The following FSCN3 variants were observed in gnomAD, a reference collection of about 807,000 sequenced individuals.
The protein encoded by FSCN3 is fascin-3.
Under a neutral mutation model 53.5 loss-of-function variants are expected in FSCN3, and 43 were observed. The observed-to-expected ratio is 0.80, with a 90% CI of 0.63 to 1.04. The LOEUF is 1.04. FSCN3 is among the 50% of genes least tolerant of loss of function. The pLI is 0.00. For missense variants in FSCN3, 594 were observed against 646.5 expected (o/e 0.92, Z 0.88); for synonymous variants, 235 against 246.6 (o/e 0.95, Z 0.44).
chr7:127,601,221 T>G (rs1264559935), intron 6 of FSCN3, among the ~76,000 whole-genome samples: 2 of 152,218 alleles, frequency 1.3e-5, no homozygotes, highest in Non-Finnish European at 2.9e-5. Context: ...CCGAAAGCAT[T>G]TCCTGCTGCC....
At position 127,600,197 on chromosome 7, in the gene FSCN3, A is replaced by G; in HGVS notation, c.1295A>G (p.Gln432Arg). 1 of 1,584,866 alleles carries G rather than the reference A, an allele frequency of 6.3e-7. No individual in the cohort carries two copies. The highest frequency in any genetic ancestry group is 1.7e-5 in the Admixed American group (1 of 59,990). The change falls in exon 6 of 7, where the codon CAG becomes CGG. Residue 432 changes from glutamine (Q) to arginine (R), a missense_variant. Gln to Arg is a conservative substitution (Grantham distance 43). Transcript: ENST00000265825. Reference protein sequence around the residue: ...CRPGIYHFQAQGGSFWSITSF... With the variant: ...CRPGIYHFQARGGSFWSITSF... ...ACCTGAGCTCTTCCTTCTCCAGCAC[A>G]GGGGGGATCCTTCTGGTCAATAACA...
chr7:127,596,477 C>T (rs1240254061), intron 3 of FSCN3, 31 bp downstream of exon 3: 10 of 1,055,018 alleles, frequency 9.5e-6, no homozygotes, highest in Non-Finnish European at 1.5e-5. Flanking sequence ...GCAAGAGAAA[C>T]CTTAAGCTCT....
In FSCN3 at chr7:127,596,331, G is replaced by C. The variant is rs764178777; in HGVS notation, c.845G>C (p.Gly282Ala). 1.2e-5 allele frequency: 19 copies of C among 1,604,612 alleles called. No individual in the cohort carries two copies. The highest frequency in any genetic ancestry group is 1.7e-5 in the Admixed American group (1 of 59,968). ...CTGACATGCGCTTCCTCTGCAGATGGTGAGGTGCGTGCTGCTTCTGAGCGC... is the reference window on the plus strand; with the variant it reads ...CTGACATGCGCTTCCTCTGCAGATGCTGAGGTGCGTGCTGCTTCTGAGCGC... ...TGRFISVIYD[G>A]EVRAASERLN... is the part of the protein sequence containing the mutation. Residue 282 changes from glycine (G) to alanine (A), a missense_variant, in exon 3 of 7, where the codon GGT (glycine) becomes GCT (alanine). Transcript: ENST00000265825.
rs756691351 is a variant in FSCN3 at position 127,595,741 on chromosome 7, C to T, written c.579C>T (p.Thr193=). The part of the protein sequence containing the change: ...HFRDGCYHLE[T]STHHFLSHVD... ...GAGATGGATGCTACCACCTGGAGAC[C>T]TCTACACACCACTTCTTGTCCCATG... The change falls in exon 2 of 7, where the codon ACC becomes ACT. Residue 193 remains threonine (T), a synonymous_variant. Transcript: ENST00000265825. 3 of 1,613,150 alleles carry T rather than the reference C, an allele frequency of 1.9e-6. No individual in the cohort carries two copies. Among genetic ancestry groups the T allele is most frequent in the East Asian group, 2.2e-5 (1 of 44,822 alleles).
Position 127,595,696 on chromosome 7 carries a change from T to C in FSCN3, c.534T>C (p.Cys178=), listed in dbSNP as rs767707289. ...CAGCAGTTCCCTGCCTGGAGGAGTG[T>C]GGCTTCCTGTTGCATTTCCGAGATG... ...VDAAVPCLEE[C]GFLLHFRDGC... is the part of the protein sequence containing the mutation. The change falls in exon 2 of 7, where the codon TGT becomes TGC. Residue 178 remains cysteine (C), a synonymous_variant. Transcript: ENST00000265825. 1.1e-5 allele frequency: 18 copies of C among 1,613,984 alleles called. No individual in the cohort carries two copies. The Admixed American group carries it at 3.0e-4, about 27-fold the overall frequency.
At chr7:127,601,244 C>G (rs1794470324) in intron 6 of FSCN3, among the ~76,000 whole-genome samples, 1 of 152,334 alleles carries the variant, frequency 6.6e-6, no homozygotes, top group Non-Finnish European at 1.5e-5. Context: ...ATCTGTCCAT[C>G]CAATCTCATC....
chr7:127,599,784 A>C (rs2117433778), intron 5 of FSCN3, among the ~76,000 whole-genome samples: 1 of 152,112 alleles, frequency 6.6e-6, no homozygotes, highest in Non-Finnish European at 1.5e-5. Flanking sequence ...TCTCTACTAA[A>C]AATACAAAAA....
rs769383605 is a variant in FSCN3, at chr7:127,596,400, G to T, written c.914G>T (p.Ser305Ile). The change falls in exon 3 of 7, where the codon AGC becomes ATC. Residue 305 changes from serine (S) to isoleucine (I), a missense_variant. Ser to Ile is a moderately radical substitution (Grantham distance 142, BLOSUM62 -2). Transcript: ENST00000265825. Reference sequence around the variant, plus strand: ...TTCCAGTTTGAATGTGACAGTGAGAGCCCCACTGTGCAGCTTCGTTCAGCC... The same window carrying T: ...TTCCAGTTTGAATGTGACAGTGAGATCCCCACTGTGCAGCTTCGTTCAGCC... ...SLFQFECDSESPTVQLRSANG... is the reference protein window; with the variant it reads ...SLFQFECDSEIPTVQLRSANG... 1.2e-6 allele frequency: 2 copies of T among 1,608,140 alleles called. No individual in the cohort carries two copies. Among genetic ancestry groups the T allele is most frequent in the Non-Finnish European group, 1.7e-6 (2 of 1,174,570 alleles).
chr7:127,595,176 C>G, intron 1 of FSCN3, 131 bp from the exon 2 acceptor site: 1 of 702,698 alleles, frequency 1.4e-6, no homozygotes, highest in Non-Finnish European at 2.4e-6. Flanking sequence ...GATACCAGGG[C>G]TGATGTGGAA....
chr7:127,596,393 A>G lies in FSCN3; in HGVS notation c.907A>G (p.Ser303Gly), dbSNP rs745542759. The change falls in exon 3 of 7, where the codon AGT becomes GGT. Residue 303 changes from serine to glycine, a missense_variant. By Grantham distance (56) the Ser-to-Gly change is moderately conservative. Coordinates refer to ENST00000265825, the MANE Select transcript of FSCN3 (RefSeq NM_020369.3). Reference sequence around the variant, plus strand: ...GTCCTTGTTCCAGTTTGAATGTGACAGTGAGAGCCCCACTGTGCAGCTTCG... The same window carrying G: ...GTCCTTGTTCCAGTTTGAATGTGACGGTGAGAGCCCCACTGTGCAGCTTCG... ...RMSLFQFECD[S>G]ESPTVQLRSA... The G allele has an allele frequency of 4.3e-6, 7 of 1,612,112 alleles. No individual in the cohort carries two copies. In the East Asian group the frequency reaches 1.6e-4, roughly 36 times the overall value.
At chr7:127,594,569 G>A (rs1231775430) in intron 1 of FSCN3, 2 of 471,116 alleles carry the variant, frequency 4.2e-6, no homozygotes, top group Admixed American at 2.3e-5. Context: ...GAAGTGGAGA[G>A]CCCAGGTGGG....
At chr7:127,598,703 T>G in intron 4 of FSCN3, 109 bp downstream of exon 4, 2 of 934,258 alleles carry the variant, frequency 2.1e-6, no homozygotes, top group Non-Finnish European at 3.3e-6. Flanking sequence ...TGGTGGCTCA[T>G]GCCTGTAATC....
chr7:127,601,089 C>G (rs1794467865), intron 6 of FSCN3, among the ~76,000 whole-genome samples: 1 of 152,202 alleles, frequency 6.6e-6, no homozygotes, highest in Non-Finnish European at 1.5e-5. Context: ...CTTCCTTCAT[C>G]AAACCCTGCA....
intron 1 of FSCN3, 60 bp downstream of exon 1, chr7:127,594,057 TG>T: frequency 6.3e-7 from 1 of 1,576,274 alleles, no homozygotes; most frequent in Admixed American, 1.8e-5. Context: ...TGTGTGTGTG[TG>T]TGCGCGCGCG....
Position 127,595,675 on chromosome 7 carries a change from A to T in FSCN3, c.513A>T (p.Ala171=), listed in dbSNP as rs1794376056. 1 of 1,614,124 alleles carries T rather than the reference A, an allele frequency of 6.2e-7. No homozygotes were observed. The highest frequency in any genetic ancestry group is 8.5e-7 in the Non-Finnish European group (1 of 1,179,946). Residue 171 remains alanine (A), a synonymous_variant, in exon 2 of 7, where the codon GCA becomes GCT. Coordinates refer to ENST00000265825, the MANE Select transcript of FSCN3 (RefSeq NM_020369.3). ...PTMGRIWVDA[A]VPCLEECGFL... ...TGGGCCGCATCTGGGTGGACGCAGC[A>T]GTTCCCTGCCTGGAGGAGTGTGGCT...
intron 5 of FSCN3, among the ~76,000 whole-genome samples, chr7:127,599,980 G>A (rs1446725676): frequency 2.0e-5 from 3 of 151,508 alleles, no homozygotes; most frequent in Admixed American, 6.6e-5. Context: ...GACCTCTGTT[G>A]TTTTCACACT....
chr7:127,598,402 A>T (rs1269972979), intron 3 of FSCN3, 33 bp from the exon 4 acceptor site: 1 of 1,599,188 alleles, frequency 6.3e-7, no homozygotes, highest in Non-Finnish European at 8.6e-7. Flanking sequence ...GTCAGTCCTT[A>T]CTCCTCATCT....
In FSCN3 at chr7:127,595,694, T is replaced by C. The variant is rs984344550; in HGVS notation, c.532T>C (p.Cys178Arg). The change falls in exon 2 of 7, where the codon TGT becomes CGT. Residue 178 changes from cysteine to arginine, a missense_variant. Physicochemically the swap from Cys to Arg is radical, Grantham distance 180. Transcript: ENST00000265825. ...VDAAVPCLEE[C>R]GFLLHFRDGC... ...CGCAGCAGTTCCCTGCCTGGAGGAG[T>C]GTGGCTTCCTGTTGCATTTCCGAGA... The C allele has an allele frequency of 2.9e-5, 46 of 1,613,612 alleles. No individual in the cohort carries two copies. Among genetic ancestry groups the C allele is most frequent in the Non-Finnish European group, 3.9e-5 (46 of 1,179,858 alleles).
Position 127,593,918 on chromosome 7 carries a change from G to A in FSCN3, c.65G>A (p.Ser22Asn), listed in dbSNP as rs139613787. 93 of 1,604,818 alleles carry A rather than the reference G, an allele frequency of 5.8e-5. No homozygotes were observed. Among genetic ancestry groups the A allele is most frequent in the Non-Finnish European group, 7.7e-5 (91 of 1,175,674 alleles). Residue 22 changes from serine (S) to asparagine (N), a missense_variant, in exon 1 of 7, where the codon AGC (serine) becomes AAC (asparagine). Transcript: ENST00000265825. ...KAEDLRVGLI[S>N]WAGTYLTFEA... ...GAGGACCTAAGGGTTGGGCTCATCA[G>A]CTGGGCAGGAACCTACCTCACCTTT...
Sources: gnomAD v4.1 joint callset for allele counts (sites outside exome capture counted in the v4.1 genomes callset) on GRCh38, gnomAD v4.1.1 for gene constraint, MANE v1.5 for transcripts, NCBI Gene and HGNC (gene_info 2026-07-23, HGNC 2026-07-21) for gene names.